The following TGFBR2 variants were observed in gnomAD, a reference collection of about 807,000 sequenced individuals.
The protein encoded by TGFBR2 is transforming growth factor beta receptor 2.
A neutral mutation model predicts 49.0 loss-of-function variants in TGFBR2; 18 were observed. The ratio of observed to expected loss-of-function variants is 0.37; its 90% CI spans 0.25 to 0.54. The LOEUF (loss-of-function observed/expected upper bound fraction) is 0.54. Ranked by LOEUF, TGFBR2 falls within the 20% of genes least tolerant of loss-of-function variation. The probability of loss-of-function intolerance (pLI) is 0.85; values close to 1 mark genes in which losing one functional copy is unlikely to be tolerated. For missense variants in TGFBR2, 525 were observed against 722.6 expected, an observed-to-expected ratio of 0.73 and a Z score of 3.13; for synonymous variants, 282 against 275.9, an observed-to-expected ratio of 1.02 and a Z score of -0.22.
chr3:30,690,599 AC>A (rs1699692955), intron 6 of TGFBR2, among the ~76,000 whole-genome samples: 1 of 152,244 alleles, frequency 6.6e-6, no homozygotes, highest in South Asian at 2.1e-4. Context: ...ATGCCTGCAT[AC>A]AATTCTGACG....
At chr3:30,668,643 C>A (rs1194536262) in intron 3 of TGFBR2, among the ~76,000 whole-genome samples, 1 of 152,152 alleles carries the variant, frequency 6.6e-6, no homozygotes, top group Non-Finnish European at 1.5e-5. Flanking sequence ...TTCTGCCCTA[C>A]TCTTGCCTGT....
rs1289805667 is a variant in TGFBR2, at chr3:30,672,499, T to C, written c.1254+62T>C. On this transcript the variant is annotated intron_variant, in intron 4 of 6. Coordinates refer to ENST00000295754, the MANE Select transcript of TGFBR2 (RefSeq NM_003242.6). This position sits in a 1 kb window ranked among gnomAD's most constrained non-coding sequence, Gnocchi z 4.5. Reference sequence around the variant, plus strand: ...AGCCTGGCCTCACCCTACCTCTTGATCCATATCTCCTGGCTCTTATCTCAA... The same window carrying C: ...AGCCTGGCCTCACCCTACCTCTTGACCCATATCTCCTGGCTCTTATCTCAA... The C allele has an allele frequency of 9.7e-6, 15 of 1,549,014 alleles. No individual in the cohort carries two copies. The highest frequency in any genetic ancestry group is 1.3e-5 in the Non-Finnish European group (15 of 1,121,248).
rs191276136 is a variant in TGFBR2 at position 30,657,724 on chromosome 3, T to C, written c.454+7264T>C. Among the ~76,000 whole-genome samples, 18 of 152,290 alleles carry C rather than the reference T, an allele frequency of 1.2e-4. No individual in the cohort carries two copies. The East Asian group carries it at 3.1e-3, about 26-fold the overall frequency. ...GCCTTTAGCTGGATGAGTGAGGAGA[T>C]TTGTACCAACGTCATGTATTCTCCT... is the stretch of plus-strand genomic sequence containing the variant. On this transcript the variant is annotated intron_variant, in intron 3 of 6. Coordinates refer to ENST00000295754, the MANE Select transcript of TGFBR2 (RefSeq NM_003242.6).
At chr3:30,679,315 C>T (rs966627006) in intron 5 of TGFBR2, among the ~76,000 whole-genome samples, 3 of 152,144 alleles carry the variant, frequency 2.0e-5, no homozygotes, top group Non-Finnish European at 2.9e-5. Context: ...TCTGGGGCAT[C>T]CTTCTGAGTT....
Position 30,672,584 on chromosome 3 carries a change from G to C in TGFBR2, c.1254+147G>C. 1.1e-6 allele frequency: 1 copy of C among 895,074 alleles called. No homozygotes were observed. The highest frequency in any genetic ancestry group is 2.5e-5 in the East Asian group (1 of 40,292). 55.4% of individuals were successfully genotyped at this position (895,074 alleles called of 1,614,324 possible). On this transcript the variant is annotated intron_variant, in intron 4 of 6. Transcript: ENST00000295754. This position sits in a 1 kb window ranked among gnomAD's most constrained non-coding sequence, Gnocchi z 4.5. Reference sequence around the variant, plus strand: ...CTAGCCAAAGTATGGAGTCTGCCTTGAGCATACTCTGCTCTGTCCTGCCTG... The same window carrying C: ...CTAGCCAAAGTATGGAGTCTGCCTTCAGCATACTCTGCTCTGTCCTGCCTG...
intron 1 of TGFBR2, among the ~76,000 whole-genome samples, chr3:30,643,498 G>A (rs1400782954): frequency 2.0e-5 from 3 of 152,184 alleles, no homozygotes; most frequent in African/African-American, 7.2e-5. Context: ...ATTTTGCAAA[G>A]AATAGTCTGT....
rs72849336 is a variant in TGFBR2 at position 30,616,438 on chromosome 3, T to C, written c.94+9461T>C. Among the ~76,000 whole-genome samples the C allele has an allele frequency of 7.5e-3, 1,144 of 152,268 alleles. 21 individuals are homozygous for C. Among genetic ancestry groups the C allele is most frequent in the African/African-American group, 0.026 (1,089 of 41,546 alleles). On this transcript the variant is annotated intron_variant, in intron 1 of 6. Coordinates refer to ENST00000295754, the MANE Select transcript of TGFBR2 (RefSeq NM_003242.6). Reference sequence around the variant, plus strand: ...AGATAACCTAGCTCTGACCCTTAGTTTGAGATTAGAAGGACTCTACCTAGG... The same window carrying C: ...AGATAACCTAGCTCTGACCCTTAGTCTGAGATTAGAAGGACTCTACCTAGG...
intron 2 of TGFBR2, among the ~76,000 whole-genome samples, chr3:30,648,137 T>G (rs1698802832): frequency 6.6e-6 from 1 of 152,158 alleles, no homozygotes; most frequent in Non-Finnish European, 1.5e-5. Flanking sequence ...GTTTGAAAAG[T>G]TAGCTGTGCC....
intron 2 of TGFBR2, among the ~76,000 whole-genome samples, chr3:30,647,770 G>A (rs1051230413): frequency 3.3e-5 from 5 of 152,144 alleles, no homozygotes; most frequent in South Asian, 2.1e-4. Flanking sequence ...TCTGCCTCCC[G>A]GGTTCGTGCG....
chr3:30,669,574 G>A (rs1434391743), intron 3 of TGFBR2, among the ~76,000 whole-genome samples: 1 of 152,190 alleles, frequency 6.6e-6, no homozygotes, highest in Non-Finnish European at 1.5e-5. Flanking sequence ...TTTACATAGT[G>A]CATGGGGAAG....
At chr3:30,628,439 G>T (rs1439082503) in intron 1 of TGFBR2, among the ~76,000 whole-genome samples, 4 of 141,138 alleles carry the variant, frequency 2.8e-5, no homozygotes, top group African/African-American at 1.1e-4. Context: ...TCACCTCTGT[G>T]CTGTATTCTC....
rs377499122 is a variant in TGFBR2 at position 30,691,413 on chromosome 3, G to T, written c.1525-7G>T. 1 of 1,613,728 alleles carries T rather than the reference G, an allele frequency of 6.2e-7. No homozygotes were observed. The highest frequency in any genetic ancestry group is 8.5e-7 in the Non-Finnish European group (1 of 1,179,860). The stretch of plus-strand genomic sequence containing the variant: ...ATGGTGCCCTTTGGATCTCTTTCCC[G>T]CTACAGGGCATCCAGATGGTGTGTG... On this transcript the variant is annotated splice_polypyrimidine_tract_variant and splice_region_variant and intron_variant, in intron 6 of 6. Transcript: ENST00000295754.
chr3:30,661,472 A>C (rs1440241212), intron 3 of TGFBR2: 1 of 435,148 alleles, frequency 2.3e-6, no homozygotes, highest in Non-Finnish European at 4.6e-6. Flanking sequence ...TGCCTAAAAG[A>C]GCAAAGGCTG....
intron 3 of TGFBR2, among the ~76,000 whole-genome samples, chr3:30,657,619 C>T (rs541442897): frequency 6.6e-6 from 1 of 152,238 alleles, no homozygotes; most frequent in Admixed American, 6.5e-5. Flanking sequence ...TGGCACGGCA[C>T]CTGGCACAGA....
At chr3:30,639,807 C>T (rs1185224161) in intron 1 of TGFBR2, among the ~76,000 whole-genome samples, 1 of 152,162 alleles carries the variant, frequency 6.6e-6, no homozygotes, top group Non-Finnish European at 1.5e-5. Flanking sequence ...TTCAATGATA[C>T]ACGAATGCAT....
intron 5 of TGFBR2, among the ~76,000 whole-genome samples, chr3:30,686,668 A>G (rs1469671940): frequency 1.3e-5 from 2 of 152,234 alleles, no homozygotes; most frequent in Non-Finnish European, 2.9e-5. Flanking sequence ...AGTTTTACTC[A>G]TTAAATAAGA....
In TGFBR2 at chr3:30,606,789, C is replaced by T. The variant is rs1350837194; in HGVS notation, c.-95C>T. On this transcript the variant is annotated 5_prime_UTR_variant, in exon 1 of 7. Coordinates refer to ENST00000295754, the MANE Select transcript of TGFBR2 (RefSeq NM_003242.6). ...TGCGCTGCCGGCCCGGCGCGGGGTC[C>T]GGAGAGGGCGCGGCGCGGAGGCGCA... 3.2e-6 allele frequency: 3 copies of T among 937,084 alleles called. No individual in the cohort carries two copies. Among genetic ancestry groups the T allele is most frequent in the Non-Finnish European group, 4.3e-6 (3 of 700,394 alleles). 58.0% of individuals were successfully genotyped at this position (937,084 alleles called of 1,614,324 possible).
intron 1 of TGFBR2, among the ~76,000 whole-genome samples, chr3:30,634,214 T>C (rs1244618661): frequency 6.6e-6 from 1 of 152,220 alleles, no homozygotes; most frequent in Non-Finnish European, 1.5e-5. Context: ...ATGGTTCATT[T>C]CAGGGGCTGA....
Position 30,671,674 on chromosome 3 carries a change from T to C in TGFBR2, c.491T>C (p.Ile164Thr). ...NTSNPDLLLV[I>T]FQVTGISLLP... ...AGCAATCCTGACTTGTTGCTAGTCA[T>C]ATTTCAAGTGACAGGCATCAGCCTC... The change falls in exon 4 of 7, where the codon ATA (isoleucine) becomes ACA (threonine). Residue 164 changes from isoleucine to threonine, a missense_variant. Physicochemically the swap from Ile to Thr is moderately conservative, Grantham distance 89 (BLOSUM62 -1). This residue lies in a region of TGFBR2 where 376 missense variants were observed against 478.2 expected (regional missense o/e 0.79). Coordinates refer to ENST00000295754, the MANE Select transcript of TGFBR2 (RefSeq NM_003242.6). 6.2e-7 allele frequency: 1 copy of C among 1,614,210 alleles called. No homozygotes were observed. Among genetic ancestry groups the C allele is most frequent in the Non-Finnish European group, 8.5e-7 (1 of 1,180,024 alleles).
Sources: allele counts gnomAD v4.1 joint callset (sites outside exome capture counted in the v4.1 genomes callset), GRCh38; gene constraint gnomAD v4.1.1; regional missense constraint gnomAD v4.1.1; non-coding constraint Gnocchi (gnomAD v3.1); transcripts MANE v1.5; gene names NCBI Gene and HGNC (gene_info 2026-07-23, HGNC 2026-07-21).